The following USP12 variants were observed in gnomAD, a reference collection of about 807,000 sequenced individuals.
The protein encoded by USP12 is ubiquitin carboxyl-terminal hydrolase 12.
Under a neutral mutation model 45.5 loss-of-function variants are expected in USP12, and 19 were observed. The observed-to-expected ratio is 0.42, with a 90% CI of 0.29 to 0.61. The LOEUF (loss-of-function observed/expected upper bound fraction) is 0.61, where lower values mean the gene tolerates loss of function less well. Among genes scored for constraint, USP12 ranks in the 20% least tolerant of loss-of-function variants. USP12 has a pLI of 0.22. For synonymous variants in USP12, 149 were observed against 148.8 expected, an observed-to-expected ratio of 1.00 and a Z score of -0.01; for missense variants, 242 against 447.7, an observed-to-expected ratio of 0.54 and a Z score of 4.15.
chr13:27,099,473 C>G (rs1359413692), intron 3 of USP12, among the ~76,000 whole-genome samples: 5 of 152,090 alleles, frequency 3.3e-5, no homozygotes, highest in Admixed American at 6.5e-5. Flanking sequence ...TTCCCAAACC[C>G]TTTCAATTTT....
At chr13:27,163,851 G>A (rs1219194599) in intron 1 of USP12, among the ~76,000 whole-genome samples, 1 of 151,362 alleles carries the variant, frequency 6.6e-6, no homozygotes, top group Admixed American at 6.6e-5. Flanking sequence ...GAAAGGGACT[G>A]GCTAAGGGTC....
intron 1 of USP12, among the ~76,000 whole-genome samples, chr13:27,142,802 G>T (rs1015205849): frequency 6.6e-6 from 1 of 151,846 alleles, no homozygotes; most frequent in Admixed American, 6.6e-5. Context: ...ACACAAAAAA[G>T]AAGTGGAAGA....
At chr13:27,103,595 T>C (rs1486904833) in intron 3 of USP12, among the ~76,000 whole-genome samples, 1 of 17,546 alleles carries the variant, frequency 5.7e-5, no homozygotes, top group East Asian at 2.7e-3. Context: ...ACTATTGAAC[T>C]ATCAAAAAAA....
intron 6 of USP12, among the ~76,000 whole-genome samples, chr13:27,086,315 G>C (rs1374685827): frequency 1.5e-5 from 2 of 131,060 alleles, no homozygotes; most frequent in African/African-American, 5.7e-5. Context: ...ACACAATGCA[G>C]CACCTCCTAA....
chr13:27,165,937 A>T (rs1878329431), intron 1 of USP12, among the ~76,000 whole-genome samples: 1 of 152,048 alleles, frequency 6.6e-6, no homozygotes, highest in South Asian at 2.1e-4. Context: ...AATAATAATA[A>T]TTTTTTAAAA....
intron 2 of USP12, among the ~76,000 whole-genome samples, chr13:27,111,631 T>A (rs1412894486): frequency 1.3e-5 from 2 of 152,222 alleles, no homozygotes; most frequent in Admixed American, 1.3e-4. Flanking sequence ...AAGTATTTTT[T>A]ATATACCTAC....
intron 1 of USP12, among the ~76,000 whole-genome samples, chr13:27,133,521 G>A (rs1206627881): frequency 6.6e-6 from 1 of 152,058 alleles, no homozygotes; most frequent in Non-Finnish European, 1.5e-5. Context: ...CCAGCTACCG[G>A]TGGGGCTGAG....
intron 1 of USP12, among the ~76,000 whole-genome samples, chr13:27,143,269 T>C (rs1165587207): frequency 6.6e-6 from 1 of 151,746 alleles, no homozygotes; most frequent in Non-Finnish European, 1.5e-5. Context: ...AAAAAAGAAG[T>C]AGGAGAACAA....
intron 2 of USP12, among the ~76,000 whole-genome samples, chr13:27,109,073 C>T (rs1875294402): frequency 6.6e-6 from 1 of 152,116 alleles, no homozygotes; most frequent in African/African-American, 2.4e-5. Flanking sequence ...ATTCATCTTG[C>T]CTTTCTTATA....
chr13:27,069,826 A>G (rs1873157716), intron 8 of USP12, among the ~76,000 whole-genome samples: 1 of 152,162 alleles, frequency 6.6e-6, no homozygotes, highest in Non-Finnish European at 1.5e-5. Context: ...GCATGCCTGT[A>G]ATCCCAGCTA....
At chr13:27,132,723 A>T (rs1876562911) in intron 1 of USP12, among the ~76,000 whole-genome samples, 1 of 152,248 alleles carries the variant, frequency 6.6e-6, no homozygotes. Context: ...AGTACTCAGA[A>T]TAGGAATGTC....
At chr13:27,115,910 T>A (rs900480884) in intron 2 of USP12, among the ~76,000 whole-genome samples, 5 of 152,304 alleles carry the variant, frequency 3.3e-5, no homozygotes, top group African/African-American at 1.2e-4. Context: ...AAGAGATCAC[T>A]TAGACTAGGC....
At chr13:27,080,625 C>T (rs1014071868) in intron 6 of USP12, among the ~76,000 whole-genome samples, 10 of 152,140 alleles carry the variant, frequency 6.6e-5, no homozygotes, top group African/African-American at 2.2e-4. Flanking sequence ...TAGCTCCCAG[C>T]GTACTGTCAC....
At chr13:27,075,058 T>A in intron 7 of USP12, 133 bp downstream of exon 7, 1 of 762,432 alleles carries the variant, frequency 1.3e-6, no homozygotes, top group Middle Eastern at 3.1e-4. Context: ...AAACTCCATT[T>A]TGAAATAAAA....
At chr13:27,163,029 C>A (rs1446114248) in intron 1 of USP12, 1 of 152,146 alleles carries the variant, frequency 6.6e-6, no homozygotes, top group Non-Finnish European at 1.5e-5. Context: ...CAAGTTTTAA[C>A]AACCCACTGA....
intron 1 of USP12, among the ~76,000 whole-genome samples, chr13:27,119,549 T>TA (rs1463334896): frequency 6.6e-6 from 1 of 152,260 alleles, no homozygotes; most frequent in East Asian, 1.9e-4. Flanking sequence ...AGTAAGGCTT[T>TA]ACATGAACTA....
intron 1 of USP12, among the ~76,000 whole-genome samples, chr13:27,162,246 C>T (rs1027478193): frequency 3.9e-5 from 6 of 152,156 alleles, no homozygotes; most frequent in Admixed American, 1.3e-4. Context: ...ACCAGTTAAA[C>T]GGCCTACCCA....
At position 27,119,368 on chromosome 13, in the gene USP12, C is replaced by T. The variant is rs1433742667; in HGVS notation, c.49-2772G>A. Among the ~76,000 whole-genome samples the T allele has an allele frequency of 2.0e-5, 3 of 152,172 alleles. No homozygotes were observed. The East Asian group carries it at 5.8e-4, about 29-fold the overall frequency. On this transcript the variant is annotated intron_variant, in intron 1 of 8. Transcript: ENST00000282344. The stretch of plus-strand genomic sequence containing the variant: ...CTAACAACAAAGCAGAACCATAATC[C>T]AATTCAGAAGTCTGAGGACAGCAGG...
rs190714428 is a variant in USP12, at chr13:27,083,536, C to T, written c.734+6347G>A. 2.9e-3 allele frequency among the ~76,000 whole-genome samples: 449 copies of T among 152,248 alleles called. 2 individuals are homozygous for T. The highest frequency in any genetic ancestry group is 5.0e-3 in the Non-Finnish European group (337 of 68,018). On this transcript the variant is annotated intron_variant, in intron 6 of 8. Transcript: ENST00000282344. ...TACAGTTCCCCAGGGCGATCACTCT[C>T]CTCTCACCTATATGCTTTAACCTCC...
Sources: allele counts gnomAD v4.1 joint callset (sites outside exome capture counted in the v4.1 genomes callset), GRCh38; gene constraint gnomAD v4.1.1; transcripts MANE v1.5; gene names NCBI Gene and HGNC (gene_info 2026-07-23, HGNC 2026-07-21).